The following PREX2 variants were observed in gnomAD, a reference collection of about 807,000 sequenced individuals.
PREX2 encodes the protein phosphatidylinositol 3,4,5-trisphosphate-dependent Rac exchanger 2 protein.
A neutral mutation model predicts 203.2 loss-of-function variants in PREX2; 107 were observed. The ratio of observed to expected loss-of-function variants is 0.53; its 90% CI spans 0.45 to 0.62. The LOEUF (loss-of-function observed/expected upper bound fraction) is 0.62, where lower values mean the gene tolerates loss of function less well. Ranked by LOEUF, PREX2 falls within the 20% of genes least tolerant of loss-of-function variation. The pLI, the probability that PREX2 is intolerant of heterozygous loss-of-function variation, is 0.00. For missense variants in PREX2, 1,777 were observed against 1,955.9 expected, an observed-to-expected ratio of 0.91 and a Z score of 1.72; for synonymous variants, 672 against 663.6, an observed-to-expected ratio of 1.01 and a Z score of -0.19.
At chr8:67,970,133 T>G (rs896760776) in intron 1 of PREX2, among the ~76,000 whole-genome samples, 3 of 152,152 alleles carry the variant, frequency 2.0e-5, no homozygotes, top group Admixed American at 6.5e-5. Context: ...AGTGTGAAGT[T>G]GTTTTGTTTA....
At position 68,215,680 on chromosome 8, in the gene PREX2, A is replaced by G. The variant is rs542752383; in HGVS notation, c.4605-1936A>G. On this transcript the variant is annotated intron_variant, in intron 37 of 39. Coordinates refer to ENST00000288368, the MANE Select transcript of PREX2 (RefSeq NM_024870.4). ...CTCCCAAGTAGCTGGGACTACAGGC[A>G]CCCACCACCACCACCTGGCTGATTT... Among the ~76,000 whole-genome samples the G allele has an allele frequency of 1.3e-3, 195 of 149,188 alleles. 1 individual carries two copies. The highest frequency in any genetic ancestry group is 1.8e-3 in the Non-Finnish European group (125 of 67,708).
At chr8:68,101,409 A>G (rs766958915) in intron 23 of PREX2, 13 of 518,844 alleles carry the variant, frequency 2.5e-5, no homozygotes, top group African/African-American at 2.5e-4. Context: ...ACTCACATGA[A>G]GAAAACTAAT....
rs560384144 is a variant in PREX2 at position 68,235,381 on chromosome 8, A to G, written c.*4003A>G. On this transcript the variant is annotated 3_prime_UTR_variant, in exon 40 of 40. Coordinates refer to ENST00000288368, the MANE Select transcript of PREX2 (RefSeq NM_024870.4). ...GAAACTATGTTTAATTTTTAAAGAC[A>G]TTGTTATGTGAATTATCTTACTAAA... The G allele has an allele frequency of 1.3e-5, 2 of 152,272 alleles. No individual in the cohort carries two copies. Among genetic ancestry groups the G allele is most frequent in the South Asian group, 4.1e-4 (2 of 4,824 alleles). 9.4% of individuals were successfully genotyped at this position (152,272 alleles called of 1,614,324 possible). A position where few individuals can be genotyped will look rare whatever the true frequency, so the allele number is the denominator to read the frequency against.
intron 37 of PREX2, among the ~76,000 whole-genome samples, chr8:68,216,153 A>G (rs1812834398): frequency 6.6e-6 from 1 of 152,234 alleles, no homozygotes; most frequent in South Asian, 2.1e-4. Context: ...TAATATTACA[A>G]CAAGAATGTT....
intron 1 of PREX2, among the ~76,000 whole-genome samples, chr8:67,997,298 C>T (rs1224052662): frequency 2.0e-5 from 3 of 152,016 alleles, no homozygotes; most frequent in Non-Finnish European, 4.4e-5. Context: ...CGTCCCAAGA[C>T]CCCCAGCAGA....
rs1809110652 is a variant in PREX2 at position 68,069,088 on chromosome 8, T to C, written c.1395T>C (p.Asp465=). 1.3e-6 allele frequency: 2 copies of C among 1,576,610 alleles called. No individual in the cohort carries two copies. Among genetic ancestry groups the C allele is most frequent in the Non-Finnish European group, 1.7e-6 (2 of 1,165,232 alleles). Residue 465 remains aspartate (D), a synonymous_variant, in exon 12 of 40, where the codon GAT becomes GAC. Coordinates refer to ENST00000288368, the MANE Select transcript of PREX2 (RefSeq NM_024870.4). ...PEQMLYRFRY[D]DGTFYPRNEM... is the part of the protein sequence containing the mutation. ...AGATGTTATATAGATTTCGCTATGA[T>C]GATGGAACATTTTATCCAAGAAATG...
At chr8:68,005,119 C>G (rs948457438) in intron 1 of PREX2, among the ~76,000 whole-genome samples, 4 of 152,052 alleles carry the variant, frequency 2.6e-5, no homozygotes, top group Non-Finnish European at 4.4e-5. Flanking sequence ...TTCCTTCAAC[C>G]CTGTCCTCCC....
Position 68,054,711 on chromosome 8 carries a change from C to T in PREX2, c.1094-1119C>T, listed in dbSNP as rs1006333056. On this transcript the variant is annotated intron_variant, in intron 9 of 39. Coordinates refer to ENST00000288368, the MANE Select transcript of PREX2 (RefSeq NM_024870.4). ...AGATTAACTCCCACTTTTACACTGC[C>T]GATTTGTTCAACTTTATGTCCAGCC... 6.8e-4 allele frequency among the ~76,000 whole-genome samples: 104 copies of T among 152,160 alleles called. 8 individuals carry two copies. The highest frequency in any genetic ancestry group is 5.8e-4 in the East Asian group (3 of 5,184).
At chr8:68,003,259 T>G in intron 1 of PREX2, among the ~76,000 whole-genome samples, 1 of 152,146 alleles carries the variant, frequency 6.6e-6, no homozygotes, top group Non-Finnish European at 1.5e-5. Flanking sequence ...CAAGTGATCC[T>G]CCCACCTCAG....
chr8:68,165,860 G>T (rs78592042), intron 35 of PREX2, among the ~76,000 whole-genome samples: 2,294 of 152,232 alleles, frequency 0.015, 24 homozygotes, highest in Non-Finnish European at 0.022. Flanking sequence ...ACAAGAAGAT[G>T]TCCATAGTGT....
At chr8:68,087,632 AT>A in intron 18 of PREX2, 91 bp from the exon 19 acceptor site, 1 of 921,164 alleles carries the variant, frequency 1.1e-6, no homozygotes, top group Non-Finnish European at 1.8e-6. Context: ...CTCAATATGT[AT>A]TTATTGAGAG....
At chr8:68,144,796 A>G (rs533112300) in intron 33 of PREX2, among the ~76,000 whole-genome samples, 1 of 152,266 alleles carries the variant, frequency 6.6e-6, no homozygotes, top group African/African-American at 2.4e-5. Flanking sequence ...ACTTCACTTT[A>G]AATTAATATA....
At chr8:68,096,470 T>C (rs894495280) in intron 21 of PREX2, among the ~76,000 whole-genome samples, 9 of 152,154 alleles carry the variant, frequency 5.9e-5, no homozygotes, top group Non-Finnish European at 1.0e-4. Flanking sequence ...TAGGCAGACA[T>C]TTTAGATGGA....
chr8:68,142,245 A>AT (rs1188812356), intron 33 of PREX2, among the ~76,000 whole-genome samples: 1 of 152,058 alleles, frequency 6.6e-6, no homozygotes. Context: ...CATACAGAGT[A>AT]TTTTTACTGC....
intron 2 of PREX2, among the ~76,000 whole-genome samples, chr8:68,018,688 T>C (rs1807479360): frequency 6.6e-6 from 1 of 152,100 alleles, no homozygotes; most frequent in African/African-American, 2.4e-5. Flanking sequence ...TATAATCGTT[T>C]CTTTTAAACT....
chr8:68,121,020 T>C lies in PREX2; in HGVS notation c.3695T>C (p.Leu1232Pro), dbSNP rs1171142599. The change falls in exon 30 of 40, where the codon CTT becomes CCT. Residue 1232 changes from leucine to proline, a missense_variant. Transcript: ENST00000288368. Reference sequence around the variant, plus strand: ...AATCTTCCCAGCAGCGTCCGGACTCTTGCTCAGAACATCAGGAAATTTGTT... The same window carrying C: ...AATCTTCCCAGCAGCGTCCGGACTCCTGCTCAGAACATCAGGAAATTTGTT... Reference protein sequence around the residue: ...PWNLPSSVRTLAQNIRKFVEE... With the variant: ...PWNLPSSVRTPAQNIRKFVEE... 3.7e-6 allele frequency: 6 copies of C among 1,613,514 alleles called. No individual in the cohort carries two copies. In the African/African-American group the frequency reaches 6.7e-5, roughly 18 times the overall value.
At chr8:68,113,464 G>A (rs1810576082) in intron 25 of PREX2, among the ~76,000 whole-genome samples, 1 of 152,152 alleles carries the variant, frequency 6.6e-6, no homozygotes, top group South Asian at 2.1e-4. Flanking sequence ...AATCTTTTGG[G>A]TGGAGAGGGT....
At chr8:68,186,334 A>G (rs985436617) in intron 35 of PREX2, among the ~76,000 whole-genome samples, 3 of 152,160 alleles carry the variant, frequency 2.0e-5, no homozygotes, top group East Asian at 1.9e-4. Context: ...TTCCATTACC[A>G]TGGATTAACA....
intron 1 of PREX2, among the ~76,000 whole-genome samples, chr8:67,974,361 A>C (rs975096957): frequency 6.6e-6 from 1 of 152,150 alleles, no homozygotes; most frequent in African/African-American, 2.4e-5. Flanking sequence ...AGAAAAATCT[A>C]TGGAGTTTTT....
Sources: allele counts gnomAD v4.1 joint callset (sites outside exome capture counted in the v4.1 genomes callset), GRCh38; gene constraint gnomAD v4.1.1; transcripts MANE v1.5; gene names NCBI Gene and HGNC (gene_info 2026-07-23, HGNC 2026-07-21).